INPP4B: variants seen among roughly 807,000 people sequenced by gnomAD.
INPP4B encodes inositol polyphosphate-4-phosphatase type II B.
A neutral mutation model predicts 122.5 loss-of-function variants in INPP4B; 55 were observed. The observed-to-expected ratio is 0.45, with a 90% CI of 0.36 to 0.56. The LOEUF (loss-of-function observed/expected upper bound fraction) is 0.56, where lower values mean the gene tolerates loss of function less well. Among genes scored for constraint, INPP4B ranks in the 20% least tolerant of loss-of-function variants. The pLI, the probability that INPP4B is intolerant of heterozygous loss-of-function variation, is 0.00. For missense variants in INPP4B, 1,000 were observed against 1,097.7 expected (o/e 0.91, Z 1.26); for synonymous variants, 403 against 388.7 (o/e 1.04, Z -0.43).
chr4:142,545,107 ATGTATC>A lies in INPP4B; in HGVS notation c.-190-82387_-190-82382del, dbSNP rs540429601. The stretch of plus-strand genomic sequence containing the variant: ...AAACAGAAATAATTGTTTTATTTAA[ATGTATC>A]TGTGTTAATGTTCCAAGAGTAATTG... On this transcript the variant is annotated intron_variant, in intron 2 of 25. Coordinates refer to ENST00000262992, the MANE Select transcript of INPP4B (RefSeq NM_001101669.3). Among the ~76,000 whole-genome samples, 234 of 152,316 alleles carry A rather than the reference ATGTATC, an allele frequency of 1.5e-3. 1 individual carries two copies. The highest frequency in any genetic ancestry group is 2.3e-3 in the Non-Finnish European group (158 of 68,026).
chr4:142,638,739 G>C (rs977305475), intron 2 of INPP4B, among the ~76,000 whole-genome samples: 12 of 151,670 alleles, frequency 7.9e-5, no homozygotes, highest in Non-Finnish European at 1.5e-4. Flanking sequence ...GTGGAGACGG[G>C]GTTTCACCAT....
rs1736954532 is a variant in INPP4B, at chr4:142,026,206, A to C, written c.*2576T>G. 6.6e-6 allele frequency: 1 copy of C among 152,182 alleles called. No homozygotes were observed. The allele number at this position is 152,182 out of a possible 1,614,324, so 9.4% of individuals were successfully genotyped here. The stretch of plus-strand genomic sequence containing the variant: ...GGCTGTGTTTGTTCAAGAGAGATTT[A>C]AACACTTTAACATTTGCTCTTTGAT... On this transcript the variant is annotated 3_prime_UTR_variant, in exon 26 of 26. Transcript: ENST00000262992.
chr4:142,240,053 T>C (rs944885653), intron 11 of INPP4B, among the ~76,000 whole-genome samples: 5 of 151,572 alleles, frequency 3.3e-5, no homozygotes, highest in African/African-American at 1.2e-4. Context: ...ATCCTTCTAA[T>C]TTTTAGTTTA....
chr4:142,707,306 T>C (rs1762583624), intron 2 of INPP4B, among the ~76,000 whole-genome samples: 1 of 152,232 alleles, frequency 6.6e-6, no homozygotes, highest in Non-Finnish European at 1.5e-5. Flanking sequence ...CATTCTCTTC[T>C]TTAAGAGGAA....
At chr4:142,349,442 G>A (rs1364912629) in intron 7 of INPP4B, among the ~76,000 whole-genome samples, 4 of 151,926 alleles carry the variant, frequency 2.6e-5, no homozygotes, top group South Asian at 2.1e-4. Context: ...AGCACTAAGT[G>A]GTCCTCTAAG....
intron 1 of INPP4B, among the ~76,000 whole-genome samples, chr4:142,802,166 A>G (rs571124256): frequency 7.9e-5 from 12 of 152,052 alleles, no homozygotes; most frequent in Non-Finnish European, 1.8e-4. Flanking sequence ...ACTCCACCAC[A>G]TCTCTTCCTG....
intron 2 of INPP4B, among the ~76,000 whole-genome samples, chr4:142,630,453 G>T (rs1250837756): frequency 6.6e-6 from 1 of 152,040 alleles, no homozygotes; most frequent in Non-Finnish European, 1.5e-5. Context: ...TCTGGGAGGT[G>T]AGGTAGCATT....
intron 1 of INPP4B, among the ~76,000 whole-genome samples, chr4:142,811,697 T>A (rs1779535899): frequency 6.6e-6 from 1 of 152,152 alleles, no homozygotes; most frequent in African/African-American, 2.4e-5. Context: ...AAAATAATTA[T>A]GTTTAAAATT....
chr4:142,145,488 A>G (rs1386536304), intron 18 of INPP4B, among the ~76,000 whole-genome samples: 2 of 152,140 alleles, frequency 1.3e-5, no homozygotes, highest in African/African-American at 2.4e-5. Flanking sequence ...ATATGCCCCT[A>G]TGTTTCTAAG....
chr4:142,110,169 A>G (rs71608469), intron 22 of INPP4B, among the ~76,000 whole-genome samples: 1,765 of 152,232 alleles, frequency 0.012, 12 homozygotes, highest in Non-Finnish European at 0.019. Context: ...CTAAGGGGTA[A>G]TTAAAGTTAA....
At position 142,299,157 on chromosome 4, in the gene INPP4B, T is replaced by TTTC. The variant is rs1760182506; in HGVS notation, c.503+6300_503+6301insGAA. ...TTTTCACTTTTTTTTTCTTTCTTTCTTTTTTTTTTTTTGGGGGGGAGACAG... is the reference window on the plus strand; with the variant it reads ...TTTTCACTTTTTTTTTCTTTCTTTCTTTCTTTTTTTTTTTTGGGGGGGAGACAG... On this transcript the variant is annotated intron_variant, in intron 9 of 25. Coordinates refer to ENST00000262992, the MANE Select transcript of INPP4B (RefSeq NM_001101669.3). Among the ~76,000 whole-genome samples, 3 of 130,444 alleles carry TTTC rather than the reference T, an allele frequency of 2.3e-5. No individual in the cohort carries two copies. The East Asian group carries it at 6.5e-4, about 28-fold the overall frequency. 85.6% of individuals were successfully genotyped at this position (130,444 alleles called of 152,430 possible). A position where few individuals can be genotyped will look rare whatever the true frequency, so the allele number is the denominator to read the frequency against.
chr4:142,230,661 A>AG (rs1561549841), intron 12 of INPP4B, among the ~76,000 whole-genome samples: 1 of 151,100 alleles, frequency 6.6e-6, no homozygotes, highest in Non-Finnish European at 1.5e-5. Context: ...AAAAAAAAAA[A>AG]AAAGAAAAGA....
chr4:142,579,670 C>T (rs982741562), intron 2 of INPP4B, among the ~76,000 whole-genome samples: 2 of 151,690 alleles, frequency 1.3e-5, no homozygotes, highest in African/African-American at 4.8e-5. Context: ...GGCTTTTTCT[C>T]CCCTTCAGAC....
chr4:142,192,520 C>T (rs1405146782), intron 15 of INPP4B, among the ~76,000 whole-genome samples: 1 of 151,846 alleles, frequency 6.6e-6, no homozygotes, highest in Non-Finnish European at 1.5e-5. Context: ...GCTGCAAAAG[C>T]TTTATAAGGC....
At chr4:142,296,241 G>C (rs1758642376) in intron 9 of INPP4B, among the ~76,000 whole-genome samples, 1 of 152,060 alleles carries the variant, frequency 6.6e-6, no homozygotes, top group African/African-American at 2.4e-5. Context: ...GTGCTAATTG[G>C]TTTCCATGGT....
At position 142,403,003 on chromosome 4, in the gene INPP4B, G is replaced by T. The variant is rs1446526643; in HGVS notation, c.307C>A (p.Pro103Thr). Residue 103 changes from proline to threonine, a missense_variant, in exon 7 of 26, where the codon CCC (proline) becomes ACC (threonine). By Grantham distance (38) the Pro-to-Thr change is conservative (BLOSUM62 -1). Transcript: ENST00000262992. ...TTTATTTTGGTCTCCTCATAGATGG[G>T]ATACTCAGATGGGAATGTGACACCA... ...LTGVTFPSEY[P>T]IYEETKIKLT... 1 of 1,611,594 alleles carries T rather than the reference G, an allele frequency of 6.2e-7. No individual in the cohort carries two copies. The highest frequency in any genetic ancestry group is 8.5e-7 in the Non-Finnish European group (1 of 1,177,756).
chr4:142,643,119 G>T (rs1750910824), intron 2 of INPP4B, among the ~76,000 whole-genome samples: 2 of 152,114 alleles, frequency 1.3e-5, no homozygotes, highest in Admixed American at 6.5e-5. Flanking sequence ...CGTTGATTTT[G>T]TATCCTGAGA....
chr4:142,613,278 G>C (rs1742967018), intron 2 of INPP4B, among the ~76,000 whole-genome samples: 1 of 152,162 alleles, frequency 6.6e-6, no homozygotes, highest in Non-Finnish European at 1.5e-5. Flanking sequence ...ATATGCAGCT[G>C]AACATAAGCG....
At chr4:142,336,189 T>C (rs1776510617) in intron 7 of INPP4B, among the ~76,000 whole-genome samples, 1 of 152,206 alleles carries the variant, frequency 6.6e-6, no homozygotes, top group African/African-American at 2.4e-5. Flanking sequence ...CCTTGCTCAC[T>C]CTCTGTTGTC....
Sources: allele counts gnomAD v4.1 joint callset (sites outside exome capture counted in the v4.1 genomes callset), GRCh38; gene constraint gnomAD v4.1.1; transcripts MANE v1.5; gene names NCBI Gene and HGNC (gene_info 2026-07-23, HGNC 2026-07-21).